Variants in PDGFC observed in about 807,000 individuals in gnomAD.
The protein encoded by PDGFC is platelet derived growth factor C.
Under a neutral mutation model 35.5 loss-of-function variants are expected in PDGFC, and 12 were observed. The observed-to-expected ratio is 0.34, with a 90% CI of 0.22 to 0.55. PDGFC has a LOEUF of 0.55. Among genes scored for constraint, PDGFC ranks in the 20% least tolerant of loss-of-function variants. The pLI is 0.91. For missense variants in PDGFC, 322 were observed against 412.4 expected (o/e 0.78, Z 1.90); for synonymous variants, 159 against 148.8 (o/e 1.07, Z -0.50).
At chr4:156,829,959 C>T (rs116061333) in intron 2 of PDGFC, among the ~76,000 whole-genome samples, 1,957 of 152,060 alleles carry the variant, frequency 0.013, 25 homozygotes, top group Admixed American at 0.02. Flanking sequence ...TGAGAACCTT[C>T]CCACTAGTAC....
intron 1 of PDGFC, among the ~76,000 whole-genome samples, chr4:156,866,170 T>C (rs149211472): frequency 4.4e-4 from 67 of 152,218 alleles, no homozygotes; most frequent in Non-Finnish European, 7.2e-4. Flanking sequence ...TGTGTTCTCA[T>C]TGTTCAATTC....
At chr4:156,858,566 A>T (rs988975364) in intron 1 of PDGFC, among the ~76,000 whole-genome samples, 1 of 152,112 alleles carries the variant, frequency 6.6e-6, no homozygotes, top group African/African-American at 2.4e-5. Context: ...ATGTGGAAGA[A>T]AAAAAATTAG....
At chr4:156,857,622 T>C (rs551410030) in intron 1 of PDGFC, among the ~76,000 whole-genome samples, 1 of 152,074 alleles carries the variant, frequency 6.6e-6, no homozygotes, top group Non-Finnish European at 1.5e-5. Flanking sequence ...GGAATGTTAA[T>C]ATAGCGAGCA....
At chr4:156,899,231 A>G (rs1216390988) in intron 1 of PDGFC, among the ~76,000 whole-genome samples, 1 of 152,166 alleles carries the variant, frequency 6.6e-6, no homozygotes, top group Non-Finnish European at 1.5e-5. Context: ...GAATCCACAA[A>G]ATGGTGTGTA....
At chr4:156,902,227 T>C (rs1218504734) in intron 1 of PDGFC, among the ~76,000 whole-genome samples, 1 of 152,216 alleles carries the variant, frequency 6.6e-6, no homozygotes, top group East Asian at 1.9e-4. Flanking sequence ...TTTGTGATTT[T>C]TGTCATCAAA....
At chr4:156,771,973 T>C (rs1046138192) in intron 4 of PDGFC, among the ~76,000 whole-genome samples, 2 of 152,196 alleles carry the variant, frequency 1.3e-5, no homozygotes, top group African/African-American at 4.8e-5. Context: ...GAAAACTCAG[T>C]TAAGATTATT....
At chr4:156,834,640 T>C (rs1227797624) in intron 2 of PDGFC, among the ~76,000 whole-genome samples, 1 of 152,076 alleles carries the variant, frequency 6.6e-6, no homozygotes, top group South Asian at 2.1e-4. Flanking sequence ...TCAGCTGCCA[T>C]ATGGGGAGAC....
chr4:156,827,628 T>C (rs1728809245), intron 2 of PDGFC, among the ~76,000 whole-genome samples: 1 of 152,128 alleles, frequency 6.6e-6, no homozygotes, highest in African/African-American at 2.4e-5. Context: ...GTTTTTTTTT[T>C]CTTGTTTAAG....
At chr4:156,864,168 A>C (rs1294941440) in intron 1 of PDGFC, among the ~76,000 whole-genome samples, 1 of 152,146 alleles carries the variant, frequency 6.6e-6, no homozygotes, top group Admixed American at 6.6e-5. Flanking sequence ...ACATATTTAC[A>C]AATAAAATTT....
chr4:156,908,463 T>C (rs1440296412), intron 1 of PDGFC, among the ~76,000 whole-genome samples: 2 of 152,280 alleles, frequency 1.3e-5, no homozygotes, highest in Non-Finnish European at 2.9e-5. Context: ...TAAATGATAA[T>C]AGCTGCCAAT....
intron 5 of PDGFC, among the ~76,000 whole-genome samples, chr4:156,766,551 C>T (rs939619941): frequency 6.6e-6 from 1 of 152,110 alleles, no homozygotes; most frequent in Non-Finnish European, 1.5e-5. Flanking sequence ...TTTTACAAAA[C>T]CTTTAAATTA....
chr4:156,923,992 T>C (rs1375259728), intron 1 of PDGFC, among the ~76,000 whole-genome samples: 1 of 152,186 alleles, frequency 6.6e-6, no homozygotes, highest in South Asian at 2.1e-4. Context: ...CTGATGTCTA[T>C]TCCTGAGAAG....
At chr4:156,791,746 C>G (rs931168330) in intron 3 of PDGFC, among the ~76,000 whole-genome samples, 1 of 152,124 alleles carries the variant, frequency 6.6e-6, no homozygotes, top group Non-Finnish European at 1.5e-5. Context: ...ATCCCACGTA[C>G]CACACTGAAA....
At chr4:156,911,190 C>T (rs1731030910) in intron 1 of PDGFC, among the ~76,000 whole-genome samples, 1 of 152,080 alleles carries the variant, frequency 6.6e-6, no homozygotes, top group South Asian at 2.1e-4. Context: ...TAATGAGTGA[C>T]ATTCAATGAA....
intron 1 of PDGFC, among the ~76,000 whole-genome samples, chr4:156,866,580 A>G (rs1343058621): frequency 2.0e-5 from 3 of 152,044 alleles, no homozygotes; most frequent in Non-Finnish European, 4.4e-5. Context: ...CTATCCTCTT[A>G]GCCAATTTCA....
At position 156,777,037 on chromosome 4, in the gene PDGFC, T is replaced by C. The variant is rs534948791; in HGVS notation, c.496-4144A>G. On this transcript the variant is annotated intron_variant, in intron 3 of 5. Transcript: ENST00000502773. ...TAGTAAGTCTATAATGGGACTGAAC[T>C]CTATTTTTTTTTTCTTTTAACTCTC... is the stretch of plus-strand genomic sequence containing the variant. Among the ~76,000 whole-genome samples, 5 of 152,226 alleles carry C rather than the reference T, an allele frequency of 3.3e-5. No homozygotes were observed. In the East Asian group the frequency reaches 9.7e-4, roughly 29 times the overall value.
intron 2 of PDGFC, among the ~76,000 whole-genome samples, chr4:156,816,281 C>T (rs1337801459): frequency 6.6e-6 from 1 of 152,114 alleles, no homozygotes; most frequent in Admixed American, 6.5e-5. Flanking sequence ...AGGCCTAGCC[C>T]TGCAAATGTC....
intron 1 of PDGFC, among the ~76,000 whole-genome samples, chr4:156,893,628 A>C (rs1482892118): frequency 2.0e-5 from 3 of 151,848 alleles, no homozygotes; most frequent in Non-Finnish European, 1.5e-5. Flanking sequence ...AAGAACCACC[A>C]TACCCAGCCT....
Position 156,850,432 on chromosome 4 carries a change from T to C in PDGFC, c.119-16A>G, listed in dbSNP as rs373827030. The C allele has an allele frequency of 6.2e-5, 88 of 1,423,172 alleles. No homozygotes were observed. The African/African-American group carries it at 8.0e-4, about 13-fold the overall frequency. The allele number at this position is 1,423,172 out of a possible 1,614,324, so 88.2% of individuals were successfully genotyped here. A position where few individuals can be genotyped will look rare whatever the true frequency, so the allele number is the denominator to read the frequency against. ...TCTTGTACTCCTAAAGCAAAAAACA[T>C]AGACATAGACATACATTTAGATTTC... On this transcript the variant is annotated splice_polypyrimidine_tract_variant and intron_variant, in intron 1 of 5. Coordinates refer to ENST00000502773, the MANE Select transcript of PDGFC (RefSeq NM_016205.3).
Sources: allele counts gnomAD v4.1 joint callset (sites outside exome capture counted in the v4.1 genomes callset), GRCh38; gene constraint gnomAD v4.1.1; transcripts MANE v1.5; gene names NCBI Gene and HGNC (gene_info 2026-07-23, HGNC 2026-07-21).